CDC42SE2: variants seen among roughly 807,000 people sequenced by gnomAD.
CDC42SE2 encodes the protein CDC42 small effector 2, also known as CDC42 small effector protein 2.
A neutral mutation model predicts 11.5 loss-of-function variants in CDC42SE2; 3 were observed. The observed-to-expected ratio is 0.26, with a 90% confidence interval of 0.12 to 0.67. CDC42SE2 has a LOEUF of 0.67. CDC42SE2 is among the 30% of genes least tolerant of loss of function. The pLI is 0.80. For synonymous variants in CDC42SE2, 33 were observed against 34.8 expected, an observed-to-expected ratio of 0.95 and a Z score of 0.18; for missense variants, 82 against 106.8, an observed-to-expected ratio of 0.77 and a Z score of 1.02.
At chr5:131,247,908 G>C (rs1315751714) in intron 1 of CDC42SE2, among the ~76,000 whole-genome samples, 1 of 151,828 alleles carries the variant, frequency 6.6e-6, no homozygotes, top group Admixed American at 6.6e-5. Flanking sequence ...CCCAAAGTCT[G>C]GGGATTACAG....
At chr5:131,363,422 G>C (rs1260442888) in intron 3 of CDC42SE2, among the ~76,000 whole-genome samples, 3 of 152,246 alleles carry the variant, frequency 2.0e-5, no homozygotes, top group Middle Eastern at 3.4e-3. Flanking sequence ...TGTCGCCTAG[G>C]CTGGAGTGCA....
At chr5:131,333,816 A>G (rs1426666722) in intron 2 of CDC42SE2, among the ~76,000 whole-genome samples, 1 of 152,210 alleles carries the variant, frequency 6.6e-6, no homozygotes, top group Non-Finnish European at 1.5e-5. Context: ...TTGATTTTGT[A>G]TCGTGAGACT....
chr5:131,242,518 T>C (rs1756548031), upstream of CDC42SE2, among the ~76,000 whole-genome samples: 1 of 152,270 alleles, frequency 6.6e-6, no homozygotes, highest in East Asian at 1.9e-4. Context: ...TTTCATGCAA[T>C]CTTTTTATTC....
rs1363591104 is a variant in CDC42SE2 at position 131,257,927 on chromosome 5, T to C, written n.242+2698T>C. ...TGAATGGCTTCCTAACACACACTGGTGCTAGTTCTGCTCGTTCTTCCGTGC... is the reference window on the plus strand; with the variant it reads ...TGAATGGCTTCCTAACACACACTGGCGCTAGTTCTGCTCGTTCTTCCGTGC... On this transcript the variant is annotated intron_variant and non_coding_transcript_variant, in intron 2 of 3. Transcript: ENST00000502840. Among the ~76,000 whole-genome samples, 47 of 152,172 alleles carry C rather than the reference T, an allele frequency of 3.1e-4. 1 individual carries two copies. Among genetic ancestry groups the C allele is most frequent in the Non-Finnish European group, 1.2e-4 (8 of 68,024 alleles).
At chr5:131,286,323 A>T (rs1397689174) in intron 1 of CDC42SE2, among the ~76,000 whole-genome samples, 1 of 148,632 alleles carries the variant, frequency 6.7e-6, no homozygotes, top group Non-Finnish European at 1.5e-5. Context: ...GGCTTAAGTG[A>T]TCCTCCTGCC....
rs763857152 is a variant in CDC42SE2 at position 131,320,054 on chromosome 5, G to GAAA, written c.-286+3935_-286+3937dup. Among the ~76,000 whole-genome samples the GAAA allele has an allele frequency of 2.1e-4, 13 of 62,784 alleles. 2 individuals are homozygous for GAAA. The highest frequency in any genetic ancestry group is 5.5e-4 in the South Asian group (1 of 1,834). The allele number at this position is 62,784 out of a possible 152,430, so 41.2% of individuals were successfully genotyped here. On this transcript the variant is annotated intron_variant, in intron 2 of 4. Transcript: ENST00000505065. ...GGACAGAGCAAGACTCCGTCTTAAA[G>GAAA]AAAAAAAAAAAAAAAAAAAAAAAAA...
intron 2 of CDC42SE2, among the ~76,000 whole-genome samples, 166 bp from the exon 3 acceptor site, chr5:131,359,043 C>T (rs1346067718): frequency 6.6e-6 from 1 of 152,102 alleles, no homozygotes. Flanking sequence ...GAACTTGACA[C>T]TTAAAAAGTT....
At chr5:131,313,171 G>T (rs951698727) in intron 1 of CDC42SE2, among the ~76,000 whole-genome samples, 1 of 151,738 alleles carries the variant, frequency 6.6e-6, no homozygotes, top group African/African-American at 2.4e-5. Context: ...TTTAGTGGAG[G>T]CGGGGTTTTG....
At chr5:131,378,895 T>C (rs1446511599) in intron 3 of CDC42SE2, among the ~76,000 whole-genome samples, 1 of 152,230 alleles carries the variant, frequency 6.6e-6, no homozygotes, top group African/African-American at 2.4e-5. Context: ...GTTCTAATGT[T>C]GAAGTTACAA....
At chr5:131,356,414 A>G (rs1325812683) in intron 2 of CDC42SE2, among the ~76,000 whole-genome samples, 2 of 152,204 alleles carry the variant, frequency 1.3e-5, no homozygotes, top group African/African-American at 4.8e-5. Context: ...ACATATATAT[A>G]CTTTAGAAAC....
intron 1 of CDC42SE2, among the ~76,000 whole-genome samples, chr5:131,275,213 T>A (rs563363730): frequency 2.7e-5 from 4 of 150,446 alleles, no homozygotes; most frequent in Non-Finnish European, 6.0e-5. Context: ...GCTTGCGCTA[T>A]TTTTTTTTAA....
At chr5:131,300,172 G>C (rs996151595) in intron 1 of CDC42SE2, among the ~76,000 whole-genome samples, 2 of 152,096 alleles carry the variant, frequency 1.3e-5, no homozygotes, top group African/African-American at 4.8e-5. Flanking sequence ...TCAGTGAAAG[G>C]ATGGATGGGA....
chr5:131,278,718 TCCCCTCCCCCCTCCCCTCCCCTC>T (rs1580727526), intron 1 of CDC42SE2, among the ~76,000 whole-genome samples: 2 of 32,882 alleles, frequency 6.1e-5, no homozygotes, highest in African/African-American at 2.8e-4. Flanking sequence ...TCCTCTCCCC[TCCCCTCCCCCCTCCCCTCCCCTC>T]CCCCTCCCCT....
chr5:131,278,943 C>G (rs1265414454), intron 1 of CDC42SE2, among the ~76,000 whole-genome samples: 3 of 149,358 alleles, frequency 2.0e-5, no homozygotes, highest in Non-Finnish European at 4.4e-5. Flanking sequence ...CACCACCACG[C>G]CCGACTAATT....
intron 3 of CDC42SE2, among the ~76,000 whole-genome samples, chr5:131,367,188 T>G (rs1292693460): frequency 6.6e-6 from 1 of 151,950 alleles, no homozygotes; most frequent in Non-Finnish European, 1.5e-5. Context: ...ATATATATCA[T>G]GTAATGATGC....
At chr5:131,297,667 T>G (rs1252182093) in intron 1 of CDC42SE2, among the ~76,000 whole-genome samples, 1 of 151,636 alleles carries the variant, frequency 6.6e-6, no homozygotes, top group Non-Finnish European at 1.5e-5. Flanking sequence ...TTGCAGTGAG[T>G]CAAGATTGTG....
chr5:131,279,769 T>C (rs553867388), intron 1 of CDC42SE2, among the ~76,000 whole-genome samples: 2 of 152,238 alleles, frequency 1.3e-5, no homozygotes, highest in East Asian at 3.9e-4. Context: ...AAAATTATTG[T>C]TTAAAAATTG....
the CDC42SE2 span, among the ~76,000 whole-genome samples, chr5:131,218,771 G>A: frequency 6.6e-6 from 1 of 152,150 alleles, no homozygotes; most frequent in Non-Finnish European, 1.5e-5. Flanking sequence ...TCACCTGATG[G>A]GGACAGGAGG....
At chr5:131,348,883 A>T (rs879354317) in intron 2 of CDC42SE2, among the ~76,000 whole-genome samples, 1 of 152,202 alleles carries the variant, frequency 6.6e-6, no homozygotes, top group Non-Finnish European at 1.5e-5. Flanking sequence ...AAAACAAGAA[A>T]TGGGGAAAGG....
Sources: gnomAD v4.1 joint callset for allele counts (sites outside exome capture counted in the v4.1 genomes callset) on GRCh38, gnomAD v4.1.1 for gene constraint, MANE v1.5 for transcripts, NCBI Gene and HGNC (gene_info 2026-07-23, HGNC 2026-07-21) for gene names.